Variants in EYS observed in about 807,000 individuals in gnomAD.
The protein encoded by EYS is protein eyes shut homolog.
A neutral mutation model predicts 282.1 loss-of-function variants in EYS; 250 were observed. The ratio of observed to expected loss-of-function variants is 0.89; its 90% CI spans 0.80 to 0.98. The LOEUF is 0.98. Ranked by LOEUF, EYS falls within the 50% of genes least tolerant of loss-of-function variation. The pLI is 0.00. For missense variants in EYS, 4,016 were observed against 3,709.0 expected, an observed-to-expected ratio of 1.08 and a Z score of -2.15; for synonymous variants, 1,355 against 1,282.9, an observed-to-expected ratio of 1.06 and a Z score of -1.20.
chr6:65,569,895 T>A (rs187280591), intron 2 of EYS, among the ~76,000 whole-genome samples: 2 of 152,290 alleles, frequency 1.3e-5, no homozygotes, highest in African/African-American at 4.8e-5. Context: ...ATTAAGCTCT[T>A]TCTCTATTTT....
chr6:64,893,381 T>C (rs370693828), intron 18 of EYS, among the ~76,000 whole-genome samples: 41 of 152,226 alleles, frequency 2.7e-4, no homozygotes, highest in African/African-American at 9.6e-4. Context: ...CCATGAGGCA[T>C]GTATGTAGTA....
intron 2 of EYS, among the ~76,000 whole-genome samples, chr6:65,566,152 T>C (rs941325290): frequency 1.3e-5 from 2 of 151,912 alleles, no homozygotes; most frequent in Admixed American, 1.3e-4. Context: ...GGGCAAAATG[T>C]TGGAATTTGA....
At chr6:65,263,703 C>CTCTGTGTGTGTGTGTGTGTG (rs1554172142) in intron 12 of EYS, among the ~76,000 whole-genome samples, 1 of 141,316 alleles carries the variant, frequency 7.1e-6, no homozygotes, top group Non-Finnish European at 1.6e-5. Flanking sequence ...CAAGGCAAAG[C>CTCTGTGTGTGTGTGTGTGTG]TGTGTGTGTG....
At chr6:65,397,528 C>G (rs538192909) in intron 7 of EYS, among the ~76,000 whole-genome samples, 1 of 150,882 alleles carries the variant, frequency 6.6e-6, no homozygotes, top group South Asian at 2.1e-4. Context: ...CAGTTCCATC[C>G]GTGCTACTGC....
intron 30 of EYS, among the ~76,000 whole-genome samples, chr6:64,242,472 A>T (rs1478067638): frequency 1.3e-5 from 2 of 151,980 alleles, no homozygotes; most frequent in Non-Finnish European, 2.9e-5. Flanking sequence ...AATACCCTCT[A>T]CATGTTTCAA....
chr6:65,594,768 G>A, intron 2 of EYS, among the ~76,000 whole-genome samples: 1 of 152,052 alleles, frequency 6.6e-6, no homozygotes, highest in Non-Finnish European at 1.5e-5. Flanking sequence ...TATTGCCTAG[G>A]TTTTCTTCTA....
rs117682763 is a variant in EYS at position 64,488,009 on chromosome 6, T to G, written c.5645-48657A>C. ...AACCACTGGATGGCAACATGAGATT[T>G]TCTACATTTAATTACCTATGTTATC... On this transcript the variant is annotated intron_variant, in intron 26 of 42. Transcript: ENST00000503581. Among the ~76,000 whole-genome samples, 168 of 151,172 alleles carry G rather than the reference T, an allele frequency of 1.1e-3. 5 individuals carry two copies. The East Asian group carries it at 0.028, about 25-fold the overall frequency.
At chr6:65,123,501 AG>A (rs1775625723) in intron 12 of EYS, among the ~76,000 whole-genome samples, 1 of 152,290 alleles carries the variant, frequency 6.6e-6, no homozygotes, top group South Asian at 2.1e-4. Flanking sequence ...AAGAAATAAA[AG>A]GTCCTTTGAA....
At chr6:64,228,310 T>C (rs1271403637) in intron 31 of EYS, among the ~76,000 whole-genome samples, 2 of 152,196 alleles carry the variant, frequency 1.3e-5, no homozygotes, top group East Asian at 3.8e-4. Context: ...GTTCTGAACA[T>C]GCATATCATA....
chr6:64,071,871 T>C (rs1486872616), intron 32 of EYS, among the ~76,000 whole-genome samples: 1 of 151,110 alleles, frequency 6.6e-6, no homozygotes, highest in East Asian at 2.0e-4. Flanking sequence ...GCAAATGGGG[T>C]CCCTGATACT....
chr6:64,068,621 G>C (rs3013153), intron 32 of EYS, among the ~76,000 whole-genome samples: 49,588 of 151,458 alleles, frequency 0.33, 8,393 homozygotes, highest in African/African-American at 0.41. Flanking sequence ...CAAACCTGCA[G>C]TTTGTGCACA....
chr6:64,437,340 C>G (rs752789396), intron 27 of EYS, among the ~76,000 whole-genome samples: 2 of 151,540 alleles, frequency 1.3e-5, no homozygotes, highest in Non-Finnish European at 3.0e-5. Flanking sequence ...AACCATAAAA[C>G]TAACTAGTGA....
chr6:65,645,290 A>G (rs775056943), intron 1 of EYS, among the ~76,000 whole-genome samples: 8 of 152,224 alleles, frequency 5.3e-5, no homozygotes, highest in Non-Finnish European at 7.4e-5. Flanking sequence ...TAGGCCACAA[A>G]TAAGTCTCAG....
At chr6:64,127,400 T>C (rs1773820858) in intron 31 of EYS, among the ~76,000 whole-genome samples, 2 of 152,196 alleles carry the variant, frequency 1.3e-5, no homozygotes, top group Admixed American at 6.5e-5. Context: ...TTATTTTTCA[T>C]TGGAAGATAC....
intron 7 of EYS, among the ~76,000 whole-genome samples, chr6:65,384,833 T>C (rs562515504): frequency 6.6e-6 from 1 of 151,986 alleles, no homozygotes. Context: ...ATGTGATTTT[T>C]TAATGTTTAG....
At chr6:63,873,385 C>A (rs1210314452) in intron 35 of EYS, among the ~76,000 whole-genome samples, 2 of 152,304 alleles carry the variant, frequency 1.3e-5, no homozygotes, top group East Asian at 3.9e-4. Context: ...GACACATTTT[C>A]TTAATCCAGT....
intron 12 of EYS, among the ~76,000 whole-genome samples, chr6:65,115,229 T>C (rs778468885): frequency 5.3e-5 from 8 of 152,078 alleles, no homozygotes; most frequent in Non-Finnish European, 1.2e-4. Context: ...TGAATTTCTA[T>C]CAAATATAAA....
rs546244178 is a variant in EYS at position 65,512,113 on chromosome 6, T to G, written c.-332-16120A>C. Reference sequence around the variant, plus strand: ...TTGATCACCTTCAGGTTACCATTTCTGTGAAATTTTTCCCTAACTTTCCGG... The same window carrying G: ...TTGATCACCTTCAGGTTACCATTTCGGTGAAATTTTTCCCTAACTTTCCGG... On this transcript the variant is annotated intron_variant, in intron 2 of 42. Coordinates refer to ENST00000503581, the MANE Select transcript of EYS (RefSeq NM_001142800.2). 7.9e-5 allele frequency among the ~76,000 whole-genome samples: 12 copies of G among 152,214 alleles called. 1 individual carries two copies. The highest frequency in any genetic ancestry group is 2.9e-4 in the African/African-American group (12 of 41,558).
At chr6:64,433,963 G>A (rs1211186752) in intron 28 of EYS, among the ~76,000 whole-genome samples, 1 of 151,970 alleles carries the variant, frequency 6.6e-6, no homozygotes, top group African/African-American at 2.4e-5. Flanking sequence ...TGACTGCTAT[G>A]GGTTGAATTG....
Sources: gnomAD v4.1 joint callset for allele counts (sites outside exome capture counted in the v4.1 genomes callset) on GRCh38, gnomAD v4.1.1 for gene constraint, MANE v1.5 for transcripts, NCBI Gene and HGNC (gene_info 2026-07-23, HGNC 2026-07-21) for gene names.